Variants in ETV1 observed in about 807,000 individuals in gnomAD.
ETV1 encodes the protein ETS translocation variant 1.
A neutral mutation model predicts 62.3 loss-of-function variants in ETV1; 27 were observed. That is an observed-to-expected ratio of 0.43 (90% CI 0.32 to 0.60). The LOEUF is 0.60. ETV1 is among the 20% of genes least tolerant of loss of function. The pLI, the probability that ETV1 is intolerant of heterozygous loss-of-function variation, is 0.06. For synonymous variants in ETV1, 222 were observed against 199.6 expected, an observed-to-expected ratio of 1.11 and a Z score of -0.94; for missense variants, 605 against 605.8, an observed-to-expected ratio of 1.00 and a Z score of 0.01.
intron 9 of ETV1, among the ~76,000 whole-genome samples, chr7:13,929,284 A>G (rs1201204788): frequency 6.6e-6 from 1 of 152,212 alleles, no homozygotes; most frequent in Admixed American, 6.5e-5. Flanking sequence ...ATACTCCCCA[A>G]ATTACAGTCC....
chr7:13,937,427 T>C lies in ETV1; in HGVS notation c.366-1531A>G, dbSNP rs903137774. On this transcript the variant is annotated intron_variant, in intron 7 of 13. Coordinates refer to ENST00000430479, the MANE Select transcript of ETV1 (RefSeq NM_004956.5). ...CTCAATAATATTTTCTGTATAGCGATGGAAGTACCAGAATTTATTGCATAT... is the reference window on the plus strand; with the variant it reads ...CTCAATAATATTTTCTGTATAGCGACGGAAGTACCAGAATTTATTGCATAT... Among the ~76,000 whole-genome samples, 3 of 152,350 alleles carry C rather than the reference T, an allele frequency of 2.0e-5. No individual in the cohort carries two copies. The South Asian group carries it at 6.2e-4, about 32-fold the overall frequency.
intron 6 of ETV1, among the ~76,000 whole-genome samples, chr7:13,944,321 C>T (rs927141513): frequency 6.6e-6 from 1 of 152,158 alleles, no homozygotes; most frequent in African/African-American, 2.4e-5. Flanking sequence ...ATCAAGTCAC[C>T]AGCAGATTAA....
At chr7:13,910,260 G>T in intron 10 of ETV1, among the ~76,000 whole-genome samples, 1 of 121,368 alleles carries the variant, frequency 8.2e-6, no homozygotes, top group Non-Finnish European at 1.7e-5. Flanking sequence ...TGTAAGGTAA[G>T]TCCACAGAAA....
chr7:13,977,383 C>G (rs2066976), intron 6 of ETV1, 44 bp downstream of exon 6: 701,646 of 1,312,750 alleles, frequency 0.53, 190,016 homozygotes, highest in Admixed American at 0.64. Flanking sequence ...AGAAGGAAAC[C>G]AGAAAGACAG....
At chr7:13,910,429 T>C (rs73679009) in intron 10 of ETV1, 449 of 221,004 alleles carry the variant, frequency 2.0e-3, no homozygotes, top group African/African-American at 0.01. Flanking sequence ...GGGTATATAA[T>C]ACTAACAACA....
At chr7:13,971,090 G>A (rs1583849874) in intron 6 of ETV1, among the ~76,000 whole-genome samples, 1 of 152,140 alleles carries the variant, frequency 6.6e-6, no homozygotes, top group East Asian at 1.9e-4. Context: ...TCCTGCCTCA[G>A]CCTCCTGAGT....
At chr7:13,959,000 C>A (rs1226745546) in intron 6 of ETV1, 1 of 150,270 alleles carries the variant, frequency 6.7e-6, no homozygotes, top group Non-Finnish European at 1.5e-5. Flanking sequence ...TCATTTTCTT[C>A]ATGAAGTCTT....
chr7:13,941,093 T>A (rs1231281441), intron 6 of ETV1, among the ~76,000 whole-genome samples: 1 of 152,158 alleles, frequency 6.6e-6, no homozygotes, highest in Admixed American at 6.5e-5. Context: ...TTTGTCTATC[T>A]CCATATATCA....
chr7:13,940,406 TA>T lies in ETV1; in HGVS notation c.236-1161del, dbSNP rs1787354103. Among the ~76,000 whole-genome samples, 3 of 151,822 alleles carry T rather than the reference TA, an allele frequency of 2.0e-5. No homozygotes were observed. In the South Asian group the frequency reaches 6.2e-4, roughly 31 times the overall value. On this transcript the variant is annotated intron_variant, in intron 6 of 13. Coordinates refer to ENST00000430479, the MANE Select transcript of ETV1 (RefSeq NM_004956.5). ...GAAAAAAAAGAAAAAAAAAGCTATA[TA>T]TTTTTTATTCTTCGATATGAAACTG...
intron 6 of ETV1, among the ~76,000 whole-genome samples, chr7:13,940,960 C>T (rs1262863565): frequency 6.6e-6 from 1 of 152,114 alleles, no homozygotes; most frequent in Middle Eastern, 3.2e-3. Context: ...AGAAACTTAA[C>T]ACATAATAAT....
At chr7:13,897,527 C>T (rs754576066) in intron 13 of ETV1, among the ~76,000 whole-genome samples, 5 of 152,066 alleles carry the variant, frequency 3.3e-5, no homozygotes, top group East Asian at 1.9e-4. Flanking sequence ...TGAATTTGGA[C>T]CTGTTTCTTA....
intron 9 of ETV1, among the ~76,000 whole-genome samples, chr7:13,914,066 G>A (rs1029880106): frequency 6.6e-6 from 1 of 151,682 alleles, no homozygotes; most frequent in Non-Finnish European, 1.5e-5. Flanking sequence ...TGTATTTTTA[G>A]TAGAGACGGG....
chr7:13,934,648 A>G (rs771685180), intron 8 of ETV1, among the ~76,000 whole-genome samples: 16 of 152,220 alleles, frequency 1.1e-4, no homozygotes, highest in Non-Finnish European at 2.4e-4. Flanking sequence ...AGAAGATAAA[A>G]ATGCAAAACT....
Position 13,988,096 on chromosome 7 carries a change from A to G in ETV1, c.123T>C (p.His41=). ...AAAATCAAACCTCACCTTCTGAATCATGAGCCAGATCTCTGTTAATGAATT... is the reference window on the plus strand; with the variant it reads ...AAAATCAAACCTCACCTTCTGAATCGTGAGCCAGATCTCTGTTAATGAATT... ...KRKFINRDLA[H]DSEELFQDLS... is the part of the protein sequence containing the mutation. Residue 41 remains histidine (H), a synonymous_variant, in exon 4 of 14, where the codon CAT becomes CAC. Coordinates refer to ENST00000430479, the MANE Select transcript of ETV1 (RefSeq NM_004956.5). The G allele has an allele frequency of 1.2e-6, 2 of 1,609,680 alleles. No individual in the cohort carries two copies. Among genetic ancestry groups the G allele is most frequent in the Non-Finnish European group, 8.5e-7 (1 of 1,176,034 alleles).
intron 10 of ETV1, among the ~76,000 whole-genome samples, chr7:13,910,235 T>A (rs1209948005): frequency 6.7e-6 from 1 of 149,624 alleles, no homozygotes; most frequent in Non-Finnish European, 1.5e-5. Flanking sequence ...TCCCTTTTTT[T>A]TTTTTTTTTT....
At chr7:13,971,763 AAC>A (rs1455265202) in intron 6 of ETV1, among the ~76,000 whole-genome samples, 1 of 152,218 alleles carries the variant, frequency 6.6e-6, no homozygotes, top group Non-Finnish European at 1.5e-5. Context: ...TTCTAAAAAT[AAC>A]ACATAACTTT....
intron 2 of ETV1, 42 bp from the exon 3 acceptor site, chr7:13,989,181 A>G: frequency 6.9e-6 from 5 of 723,552 alleles, no homozygotes; most frequent in Non-Finnish European, 6.8e-6. Flanking sequence ...AAAAAAAATC[A>G]TGAATGAAGC....
At chr7:13,938,909 T>G (rs571447565) in intron 7 of ETV1, among the ~76,000 whole-genome samples, 1 of 152,348 alleles carries the variant, frequency 6.6e-6, no homozygotes, top group Non-Finnish European at 1.5e-5. Flanking sequence ...ACTAATGATC[T>G]GGATAAAAAT....
rs1781490166 is a variant in ETV1, at chr7:13,893,107, G to A, written c.*2759C>T. ...AAATTATTTTTACTTAGTTATTTGAGTATAAGTGTTTGTTGCAATTAATCT... is the reference window on the plus strand; with the variant it reads ...AAATTATTTTTACTTAGTTATTTGAATATAAGTGTTTGTTGCAATTAATCT... On this transcript the variant is annotated 3_prime_UTR_variant, in exon 14 of 14. Coordinates refer to ENST00000430479, the MANE Select transcript of ETV1 (RefSeq NM_004956.5). 8.6e-6 allele frequency: 2 copies of A among 232,518 alleles called. No homozygotes were observed. The highest frequency in any genetic ancestry group is 6.1e-5 in the East Asian group (1 of 16,426). The allele number at this position is 232,518 out of a possible 1,614,324, so 14.4% of individuals were successfully genotyped here. A position where few individuals can be genotyped will look rare whatever the true frequency, so the allele number is the denominator to read the frequency against.
Sources: allele counts gnomAD v4.1 joint callset (sites outside exome capture counted in the v4.1 genomes callset), GRCh38; gene constraint gnomAD v4.1.1; transcripts MANE v1.5; gene names NCBI Gene and HGNC (gene_info 2026-07-23, HGNC 2026-07-21).